RBBP8: variants seen among roughly 807,000 people sequenced by gnomAD.
RBBP8 encodes the protein DNA endonuclease RBBP8.
RBBP8 carries 88 observed loss-of-function variants against 108.3 expected under a neutral mutation model. The observed-to-expected ratio is 0.81, with a 90% confidence interval of 0.68 to 0.97. The LOEUF (loss-of-function observed/expected upper bound fraction) is 0.97. RBBP8 is among the 50% of genes least tolerant of loss of function. The probability of loss-of-function intolerance (pLI) is 0.00; values close to 1 mark genes in which losing one functional copy is unlikely to be tolerated. For missense variants in RBBP8, 1,023 were observed against 1,049.0 expected (o/e 0.98, Z 0.34); for synonymous variants, 332 against 348.2 (o/e 0.95, Z 0.52).
At chr18:22,925,344 T>C (rs896154273) in intron 3 of RBBP8, among the ~76,000 whole-genome samples, 21 of 152,234 alleles carry the variant, frequency 1.4e-4, no homozygotes, top group African/African-American at 4.6e-4. Context: ...CTTTAAGTAC[T>C]GAACGTTGAA....
intron 3 of RBBP8, chr18:22,920,917 CCATTAA>C (rs1360799924): frequency 2.0e-5 from 3 of 152,224 alleles, no homozygotes; most frequent in South Asian, 2.1e-4. Context: ...CAAATCTAAC[CCATTAA>C]CATTATCAGA....
intron 7 of RBBP8, 90 bp from the exon 8 acceptor site, chr18:22,984,796 A>C (rs945386179): frequency 1.3e-5 from 10 of 750,144 alleles, no homozygotes; most frequent in Non-Finnish European, 2.1e-5. Flanking sequence ...AATACATAAA[A>C]ATTTTAAATA....
Position 22,993,163 on chromosome 18 carries a change from A to G in RBBP8, c.1336A>G (p.Lys446Glu), listed in dbSNP as rs1328730388. The change falls in exon 11 of 19, where the codon AAA becomes GAA. Residue 446 changes from lysine to glutamate, a missense_variant. Coordinates refer to ENST00000327155, the MANE Select transcript of RBBP8 (RefSeq NM_002894.3). Reference protein sequence around the residue: ...PLKSLGGRTSKRKKTEEESEH... With the variant: ...PLKSLGGRTSERKKTEEESEH... ...GAAATCATTGGGAGGCCGAACATCC[A>G]AAAGGAAGAAAACTGAGGAAGAAAG... The G allele has an allele frequency of 6.2e-7, 1 of 1,614,138 alleles. No homozygotes were observed. The highest frequency in any genetic ancestry group is 8.5e-7 in the Non-Finnish European group (1 of 1,179,960).
chr18:23,023,403 A>AT (rs2144861544), intron 18 of RBBP8, among the ~76,000 whole-genome samples: 1 of 152,322 alleles, frequency 6.6e-6, no homozygotes, highest in Admixed American at 6.5e-5. Context: ...GCTTGTTTAG[A>AT]TATGACACTT....
chr18:22,989,376 G>C, intron 9 of RBBP8, 58 bp downstream of exon 9: 1 of 1,253,008 alleles, frequency 8.0e-7, no homozygotes. Flanking sequence ...TTTTAGGTCA[G>C]TTCTTAGAGA....
intron 3 of RBBP8, among the ~76,000 whole-genome samples, chr18:22,948,523 C>T (rs1911760128): frequency 6.6e-6 from 1 of 152,074 alleles, no homozygotes; most frequent in Non-Finnish European, 1.5e-5. Flanking sequence ...AGGTGTTGCT[C>T]TTACGTGTAT....
At chr18:23,025,601 C>A (rs1365730523) in intron 18 of RBBP8, among the ~76,000 whole-genome samples, 1 of 152,176 alleles carries the variant, frequency 6.6e-6, no homozygotes, top group Non-Finnish European at 1.5e-5. Flanking sequence ...CTTAGGAGAT[C>A]TAATAGTCTG....
chr18:22,956,055 T>A (rs912088582), intron 4 of RBBP8, among the ~76,000 whole-genome samples: 1 of 152,182 alleles, frequency 6.6e-6, no homozygotes, highest in Non-Finnish European at 1.5e-5. Context: ...AAATATCAGG[T>A]CTTCAACATT....
At chr18:22,992,180 A>T (rs1395272281) in intron 10 of RBBP8, among the ~76,000 whole-genome samples, 1 of 151,920 alleles carries the variant, frequency 6.6e-6, no homozygotes, top group Non-Finnish European at 1.5e-5. Context: ...TAACAAAAGA[A>T]CTTAGGTTCT....
chr18:22,930,758 A>C (rs938380930), upstream of RBBP8, among the ~76,000 whole-genome samples: 5 of 152,008 alleles, frequency 3.3e-5, no homozygotes, highest in African/African-American at 1.2e-4. Flanking sequence ...GGGTGAACAA[A>C]CCTTTTTTAT....
chr18:23,007,900 C>T (rs1331375422), intron 16 of RBBP8, among the ~76,000 whole-genome samples: 1 of 151,268 alleles, frequency 6.6e-6, no homozygotes, highest in African/African-American at 2.4e-5. Flanking sequence ...GCAACCTCTG[C>T]CTCCTGGGTT....
intron 4 of RBBP8, among the ~76,000 whole-genome samples, chr18:22,965,245 T>C (rs1913479232): frequency 6.6e-6 from 1 of 152,170 alleles, no homozygotes; most frequent in African/African-American, 2.4e-5. Flanking sequence ...TTATAATTTA[T>C]AAGCATTTCT....
At chr18:23,023,631 G>T (rs1385455499) in intron 18 of RBBP8, among the ~76,000 whole-genome samples, 1 of 152,110 alleles carries the variant, frequency 6.6e-6, no homozygotes, top group Non-Finnish European at 1.5e-5. Flanking sequence ...CCATTTCTGT[G>T]CTCAAGCTAG....
chr18:22,994,333 G>A (rs539974035), intron 12 of RBBP8, among the ~76,000 whole-genome samples: 103 of 146,758 alleles, frequency 7.0e-4, no homozygotes, highest in Admixed American at 4.8e-3. Flanking sequence ...ACTTATATAC[G>A]TTTTTAAACT....
At chr18:23,018,567 A>G (rs770658834) in intron 17 of RBBP8, among the ~76,000 whole-genome samples, 6 of 152,174 alleles carry the variant, frequency 3.9e-5, no homozygotes, top group Non-Finnish European at 7.4e-5. Flanking sequence ...TAACCTATGC[A>G]TATTCTTTCA....
Position 23,013,951 on chromosome 18 carries a change from C to T in RBBP8, c.2358-2877C>T, listed in dbSNP as rs115601334. On this transcript the variant is annotated intron_variant, in intron 16 of 18. Coordinates refer to ENST00000327155, the MANE Select transcript of RBBP8 (RefSeq NM_002894.3). ...AATACTACTGTTCATTGACAAAGCA[C>T]GTTGTCACCCAAGAGCTCTGATGGA... is the stretch of plus-strand genomic sequence containing the variant. Among the ~76,000 whole-genome samples the T allele has an allele frequency of 6.5e-3, 984 of 152,264 alleles. 14 individuals are homozygous for T. The highest frequency in any genetic ancestry group is 0.027 in the Admixed American group (412 of 15,298).
chr18:22,957,639 GA>G (rs970243274), intron 4 of RBBP8, among the ~76,000 whole-genome samples: 8 of 152,124 alleles, frequency 5.3e-5, no homozygotes, highest in Admixed American at 4.6e-4. Context: ...ATTCTCTTGT[GA>G]AATTGGGAGT....
intron 3 of RBBP8, among the ~76,000 whole-genome samples, chr18:22,948,895 G>C (rs1911791234): frequency 6.6e-6 from 1 of 152,108 alleles, no homozygotes; most frequent in Admixed American, 6.5e-5. Context: ...TAATGATAGA[G>C]GGGTAAAATA....
chr18:23,006,565 A>C, intron 16 of RBBP8, 133 bp downstream of exon 16: 2 of 770,368 alleles, frequency 2.6e-6, no homozygotes, highest in Non-Finnish European at 4.4e-6. Context: ...GCAATGGCGT[A>C]AACTCAGCTC....
Sources: gnomAD v4.1 joint callset for allele counts (sites outside exome capture counted in the v4.1 genomes callset) on GRCh38, gnomAD v4.1.1 for gene constraint, MANE v1.5 for transcripts, NCBI Gene and HGNC (gene_info 2026-07-23, HGNC 2026-07-21) for gene names.